The following ARHGAP6 variants were observed in gnomAD, a reference collection of about 807,000 sequenced individuals.
ARHGAP6 encodes the protein rho GTPase-activating protein 6.
Under a neutral mutation model 55.7 loss-of-function variants are expected in ARHGAP6, and 16 were observed. The ratio of observed to expected loss-of-function variants is 0.29; its 90% CI spans 0.19 to 0.44. The LOEUF is 0.44. ARHGAP6 is among the 20% of genes least tolerant of loss of function. The pLI is 1.00. For missense variants in ARHGAP6, 698 were observed against 808.9 expected (o/e 0.86, Z 1.66); for synonymous variants, 382 against 360.9 (o/e 1.06, Z -0.66).
At chrX:11,300,216 T>G (rs764950545) in intron 1 of ARHGAP6, among the ~76,000 whole-genome samples, 3 of 111,989 alleles carry the variant, frequency 2.7e-5, no homozygotes, top group South Asian at 3.7e-4. Context: ...AAGGTGACTT[T>G]GGGCAGATAG....
chrX:11,637,833 T>C (rs995630584), intron 1 of ARHGAP6, among the ~76,000 whole-genome samples: 3 of 111,016 alleles, frequency 2.7e-5, no homozygotes, highest in Non-Finnish European at 3.8e-5. Context: ...AATGATTCTT[T>C]TGGGATTCTC....
intron 1 of ARHGAP6, among the ~76,000 whole-genome samples, chrX:11,448,842 A>C (rs1233871722): frequency 9.0e-6 from 1 of 111,327 alleles, no homozygotes; most frequent in Non-Finnish European, 1.9e-5. Flanking sequence ...GGCATCTCAA[A>C]TTTATCATGT....
intron 2 of ARHGAP6, among the ~76,000 whole-genome samples, chrX:11,216,588 G>C (rs527440669): frequency 1.3e-4 from 15 of 112,406 alleles, no homozygotes; most frequent in African/African-American, 4.8e-4. Context: ...GGGAGGCAGA[G>C]AAGTCAGCTT....
chrX:11,309,889 T>C (rs1603054831), intron 1 of ARHGAP6, among the ~76,000 whole-genome samples: 2 of 111,658 alleles, frequency 1.8e-5, no homozygotes, highest in East Asian at 2.8e-4. Context: ...GTGAGGCTCA[T>C]GCCGGTAATC....
chrX:11,280,023 G>T (rs1452981780), intron 1 of ARHGAP6, among the ~76,000 whole-genome samples: 1 of 111,286 alleles, frequency 9.0e-6, no homozygotes, highest in African/African-American at 3.3e-5. Flanking sequence ...CACAACTGAG[G>T]AGGAAAGTGC....
chrX:11,446,852 A>G (rs1173865121), intron 1 of ARHGAP6, among the ~76,000 whole-genome samples: 2 of 111,991 alleles, frequency 1.8e-5, no homozygotes, highest in Non-Finnish European at 3.8e-5. Context: ...TCTAAATCAT[A>G]AGAACGACAT....
At chrX:11,426,081 T>G (rs149953027) in intron 1 of ARHGAP6, among the ~76,000 whole-genome samples, 1 of 112,584 alleles carries the variant, frequency 8.9e-6, no homozygotes, top group African/African-American at 3.2e-5. Flanking sequence ...TACAAGTATC[T>G]CATTTGGTGT....
At chrX:11,200,838 A>G (rs1278384260) in intron 2 of ARHGAP6, among the ~76,000 whole-genome samples, 1 of 112,510 alleles carries the variant, frequency 8.9e-6, no homozygotes, top group Non-Finnish European at 1.9e-5. Context: ...GAGGCTTATA[A>G]AACAGTATTT....
At chrX:11,195,093 C>T (rs966306591) in intron 3 of ARHGAP6, among the ~76,000 whole-genome samples, 3 of 111,944 alleles carry the variant, frequency 2.7e-5, no homozygotes, top group Admixed American at 9.5e-5. Context: ...GTGGCTCATG[C>T]TTGTAATCCC....
chrX:11,143,684 G>A, intron 11 of ARHGAP6: 1 of 1,042,076 alleles, frequency 9.6e-7, no homozygotes, highest in Non-Finnish European at 1.2e-6. Flanking sequence ...GATGCTGGAG[G>A]GAAAAAGAAT....
chrX:11,592,280 A>G (rs2051844730), intron 1 of ARHGAP6, among the ~76,000 whole-genome samples: 1 of 112,114 alleles, frequency 8.9e-6, no homozygotes, highest in Admixed American at 9.5e-5. Context: ...CCAATCAGCC[A>G]TTGGCTGACA....
In ARHGAP6 at chrX:11,576,403, A is replaced by C. The variant is rs192481997; in HGVS notation, c.588+87838T>G. ...CAGTTATCTGACTAGTGAAGAAAAA[A>C]GTGCTCAATAGTACAAGACACATGC... On this transcript the variant is annotated intron_variant, in intron 1 of 12. Transcript: ENST00000337414. 8.0e-5 allele frequency among the ~76,000 whole-genome samples: 9 copies of C among 112,022 alleles called. No homozygotes were observed. In the East Asian group the frequency reaches 2.0e-3, roughly 24 times the overall value.
chrX:11,173,700 T>A (rs774988983), intron 8 of ARHGAP6, among the ~76,000 whole-genome samples: 1 of 112,604 alleles, frequency 8.9e-6, no homozygotes, highest in Admixed American at 9.3e-5. Context: ...GTCAACAATT[T>A]TTCTCATGCC....
intron 1 of ARHGAP6, among the ~76,000 whole-genome samples, chrX:11,280,786 G>A (rs972337283): frequency 5.6e-5 from 6 of 107,800 alleles, no homozygotes; most frequent in Admixed American, 1.0e-4. Context: ...TTTCGGAGCA[G>A]TTCTGTGAAT....
At chrX:11,425,216 T>C (rs2049866356) in intron 1 of ARHGAP6, among the ~76,000 whole-genome samples, 1 of 111,542 alleles carries the variant, frequency 9.0e-6, no homozygotes, top group African/African-American at 3.3e-5. Flanking sequence ...GGGTCATTCA[T>C]GTCAAGGAAG....
chrX:11,388,026 G>A (rs1399367608), intron 1 of ARHGAP6, among the ~76,000 whole-genome samples: 1 of 111,997 alleles, frequency 8.9e-6, no homozygotes, highest in African/African-American at 3.3e-5. Context: ...GTGTGCATGT[G>A]TCTTTATAAC....
At chrX:11,572,048 C>A (rs145277089) in intron 1 of ARHGAP6, among the ~76,000 whole-genome samples, 133 of 111,333 alleles carry the variant, frequency 1.2e-3, no homozygotes, top group Non-Finnish European at 1.9e-3. Context: ...AGGAAACAGG[C>A]ATTTTCCCAA....
intron 1 of ARHGAP6, among the ~76,000 whole-genome samples, chrX:11,451,344 A>G (rs1293184897): frequency 8.9e-6 from 1 of 111,884 alleles, no homozygotes; most frequent in African/African-American, 3.3e-5. Flanking sequence ...TTACCATAGC[A>G]ACAAAGCCGG....
At chrX:11,148,556 A>G in intron 10 of ARHGAP6, 1 of 310,239 alleles carries the variant, frequency 3.2e-6, no homozygotes. Context: ...GACCATCTAC[A>G]TACAGCATGC....
Sources: allele counts gnomAD v4.1 joint callset (sites outside exome capture counted in the v4.1 genomes callset), GRCh38; gene constraint gnomAD v4.1.1; transcripts MANE v1.5; gene names NCBI Gene and HGNC (gene_info 2026-07-23, HGNC 2026-07-21).